The following UGT2B17 variants were observed in gnomAD, a reference collection of about 807,000 sequenced individuals.
UGT2B17 encodes UDP-glucuronosyltransferase 2B17.
In UGT2B17, 21 loss-of-function variants were observed where a neutral mutation model predicts 48.2. The ratio of observed to expected loss-of-function variants is 0.44; its 90% CI spans 0.31 to 0.63. The LOEUF (loss-of-function observed/expected upper bound fraction) is 0.63, where lower values mean the gene tolerates loss of function less well. Among genes scored for constraint, UGT2B17 ranks in the 20% least tolerant of loss-of-function variants. UGT2B17 has a pLI of 0.08. For synonymous variants in UGT2B17, 146 were observed against 238.4 expected, an observed-to-expected ratio of 0.61 and a Z score of 3.57; for missense variants, 402 against 696.1, an observed-to-expected ratio of 0.58 and a Z score of 4.75.
intron 1 of UGT2B17, among the ~76,000 whole-genome samples, chr4:68,571,230 C>A (rs1326798080): frequency 8.0e-6 from 1 of 124,824 alleles, no homozygotes; most frequent in Non-Finnish European, 1.7e-5. Context: ...TATGGCTATG[C>A]TTCATTTTTT....
At chr4:68,541,863 G>A (rs1322152408) in intron 6 of UGT2B17, among the ~76,000 whole-genome samples, 2 of 126,318 alleles carry the variant, frequency 1.6e-5, no homozygotes, top group African/African-American at 5.4e-5. Flanking sequence ...TTTTGCATAT[G>A]GCCAGCCAGT....
chr4:68,573,319 T>A lies in UGT2B17; in HGVS notation c.-65+2632A>T, dbSNP rs1437399410. Among the ~76,000 whole-genome samples the A allele has an allele frequency of 2.4e-5, 3 of 124,650 alleles. 1 individual carries two copies. The highest frequency in any genetic ancestry group is 5.1e-5 in the Non-Finnish European group (3 of 59,178). 81.8% of individuals were successfully genotyped at this position (124,650 alleles called of 152,430 possible). A position where few individuals can be genotyped will look rare whatever the true frequency, so the allele number is the denominator to read the frequency against. Reference sequence around the variant, plus strand: ...TTTTTTCTCTTTCTGACACATAGAGTGTGAAGAGTTTTGTCAGGTCAGGTA... The same window carrying A: ...TTTTTTCTCTTTCTGACACATAGAGAGTGAAGAGTTTTGTCAGGTCAGGTA... On this transcript the variant is annotated intron_variant, in intron 1 of 6. Coordinates refer to ENST00000317746, the MANE Select transcript of UGT2B17 (RefSeq NM_001077.4).
At chr4:68,572,055 T>C (rs1731303679) in intron 1 of UGT2B17, among the ~76,000 whole-genome samples, 1 of 126,310 alleles carries the variant, frequency 7.9e-6, no homozygotes. Flanking sequence ...TTTTCCTTTT[T>C]GGAGTCAAAC....
chr4:68,549,346 T>C (rs1023111731), intron 6 of UGT2B17, among the ~76,000 whole-genome samples: 1 of 99,756 alleles, frequency 1.0e-5, no homozygotes, highest in Non-Finnish European at 2.0e-5. Context: ...CTCCAAAAAG[T>C]AAAAAAAAAA....
intron 3 of UGT2B17, among the ~76,000 whole-genome samples, chr4:68,564,488 C>A (rs1578171593): frequency 8.3e-6 from 1 of 120,812 alleles, no homozygotes; most frequent in Admixed American, 8.7e-5. Flanking sequence ...GGGGTTTCAC[C>A]ATGCTGGCCA....
At position 68,563,484 on chromosome 4, in the gene UGT2B17, C is replaced by A. The variant is rs1179050336; in HGVS notation, c.873+2088G>T. Among the ~76,000 whole-genome samples the A allele has an allele frequency of 1.6e-5, 2 of 126,276 alleles. 1 individual carries two copies. The highest frequency in any genetic ancestry group is 3.4e-5 in the Non-Finnish European group (2 of 59,566). The allele number at this position is 126,276 out of a possible 152,430, so 82.8% of individuals were successfully genotyped here. On this transcript the variant is annotated intron_variant, in intron 3 of 6. Transcript: ENST00000317746. ...AATTATCCGGATGTGTTGGTGGGTG[C>A]CTGTAATCCCAGCTACTTGGGAGTC...
chr4:68,567,641 A>T (rs1578172658), intron 2 of UGT2B17, 120 bp downstream of exon 2: 1 of 787,338 alleles, frequency 1.3e-6, no homozygotes, highest in Non-Finnish European at 1.7e-6. Flanking sequence ...ATCATCTTAC[A>T]TTTGCAATTC....
chr4:68,550,428 A>T (rs1730893344), intron 6 of UGT2B17, among the ~76,000 whole-genome samples: 1 of 125,654 alleles, frequency 8.0e-6, no homozygotes, highest in African/African-American at 2.7e-5. Context: ...AATATTTAAA[A>T]TAATTATGTA....
At chr4:68,551,504 G>A (rs1446392630) in intron 5 of UGT2B17, among the ~76,000 whole-genome samples, 1 of 123,942 alleles carries the variant, frequency 8.1e-6, no homozygotes, top group Non-Finnish European at 1.7e-5. Flanking sequence ...CCCTGCAGTA[G>A]GGGAAGGAAC....
chr4:68,546,514 A>C lies in UGT2B17; in HGVS notation c.1313+4163T>G, dbSNP rs1730811039. On this transcript the variant is annotated intron_variant, in intron 6 of 6. Coordinates refer to ENST00000317746, the MANE Select transcript of UGT2B17 (RefSeq NM_001077.4). The stretch of plus-strand genomic sequence containing the variant: ...GGAAGCATTCCCTTTGAAGACTGGT[A>C]CAAGACAGGGATGCCCTCTCTCACC... Among the ~76,000 whole-genome samples, 2 of 126,448 alleles carry C rather than the reference A, an allele frequency of 1.6e-5. 1 individual carries two copies. The highest frequency in any genetic ancestry group is 1.6e-4 in the Admixed American group (2 of 12,336). 83.0% of individuals were successfully genotyped at this position (126,448 alleles called of 152,430 possible).
chr4:68,568,787 T>G (rs1318263149), intron 1 of UGT2B17, among the ~76,000 whole-genome samples: 1 of 127,228 alleles, frequency 7.9e-6, no homozygotes, highest in African/African-American at 2.7e-5. Context: ...GAAGAAGTAA[T>G]TATACAACTC....
chr4:68,569,932 T>C (rs1731273379), intron 1 of UGT2B17, among the ~76,000 whole-genome samples: 1 of 125,600 alleles, frequency 8.0e-6, no homozygotes, highest in Non-Finnish European at 1.7e-5. Flanking sequence ...TCAAACCAAT[T>C]CAAGAACCTT....
intron 4 of UGT2B17, among the ~76,000 whole-genome samples, chr4:68,555,047 A>G (rs7666864): frequency 0.89 from 110,696 of 123,868 alleles, 52,625 homozygotes; most frequent in Non-Finnish European, 0.99. Flanking sequence ...AAAAAGACTA[A>G]TTAAATGCTT....
Position 68,574,467 on chromosome 4 carries a change from T to C in UGT2B17, c.-65+1484A>G, listed in dbSNP as rs887659580. Among the ~76,000 whole-genome samples the C allele has an allele frequency of 1.6e-5, 2 of 127,036 alleles. 1 individual carries two copies. Among genetic ancestry groups the C allele is most frequent in the African/African-American group, 5.4e-5 (2 of 37,146 alleles). 83.3% of individuals were successfully genotyped at this position (127,036 alleles called of 152,430 possible). ...TTTGTTAAAGAGCAGGTTGATGCTT[T>C]AAGGAAAAAACCTGTTGCATTTTTA... On this transcript the variant is annotated intron_variant, in intron 1 of 6. Transcript: ENST00000317746.
chr4:68,573,006 G>T lies in UGT2B17; in HGVS notation c.-65+2945C>A, dbSNP rs1248823683. 3.9e-5 allele frequency among the ~76,000 whole-genome samples: 5 copies of T among 127,106 alleles called. 1 individual carries two copies. The highest frequency in any genetic ancestry group is 6.7e-5 in the Non-Finnish European group (4 of 59,776). 83.4% of individuals were successfully genotyped at this position (127,106 alleles called of 152,430 possible). On this transcript the variant is annotated intron_variant, in intron 1 of 6. Coordinates refer to ENST00000317746, the MANE Select transcript of UGT2B17 (RefSeq NM_001077.4). ...AGCTTAGGGTGTTGCAAACTTCAAT[G>T]GTTATGTGGGGATTTTCACAATGCA...
intron 6 of UGT2B17, among the ~76,000 whole-genome samples, chr4:68,545,480 C>G (rs1444557255): frequency 1.6e-5 from 2 of 125,064 alleles, no homozygotes; most frequent in Admixed American, 1.6e-4. Flanking sequence ...CAGGAAACAT[C>G]TAAAATTGAC....
At chr4:68,540,184 TAC>T (rs1385195848) in intron 6 of UGT2B17, among the ~76,000 whole-genome samples, 1 of 126,346 alleles carries the variant, frequency 7.9e-6, no homozygotes, top group African/African-American at 2.7e-5. Context: ...GCAATATATA[TAC>T]ACACACACAC....
At chr4:68,538,891 G>A (rs150559020) in intron 6 of UGT2B17, among the ~76,000 whole-genome samples, 15,927 of 124,216 alleles carry the variant, frequency 0.13, 4,523 homozygotes, top group Middle Eastern at 0.29. Flanking sequence ...TTTGTTCCCC[G>A]TGTCTCTCTC....
chr4:68,564,159 A>G (rs1263523540), intron 3 of UGT2B17, among the ~76,000 whole-genome samples: 2 of 122,750 alleles, frequency 1.6e-5, no homozygotes, highest in Non-Finnish European at 3.4e-5. Flanking sequence ...CCTTTCTGTA[A>G]TATTACACAT....
Sources: allele counts gnomAD v4.1 joint callset (sites outside exome capture counted in the v4.1 genomes callset), GRCh38; gene constraint gnomAD v4.1.1; transcripts MANE v1.5; gene names NCBI Gene and HGNC (gene_info 2026-07-23, HGNC 2026-07-21).